Variants in DPF3 observed in about 807,000 individuals in gnomAD.
The protein encoded by DPF3 is double PHD fingers 3, also known as zinc finger protein DPF3.
A neutral mutation model predicts 56.8 loss-of-function variants in DPF3; 18 were observed. The observed-to-expected ratio is 0.32, with a 90% CI of 0.22 to 0.47. The LOEUF is 0.47. Ranked by LOEUF, DPF3 falls within the 20% of genes least tolerant of loss-of-function variation. DPF3 has a pLI of 1.00. For synonymous variants in DPF3, 188 were observed against 180.2 expected, an observed-to-expected ratio of 1.04 and a Z score of -0.35; for missense variants, 403 against 488.8, an observed-to-expected ratio of 0.82 and a Z score of 1.65.
At chr14:72,834,153 G>A (rs1798634859) in intron 1 of DPF3, among the ~76,000 whole-genome samples, 2 of 151,078 alleles carry the variant, frequency 1.3e-5, no homozygotes, top group South Asian at 2.1e-4. Context: ...ACTCCAGCCC[G>A]AGTGACAGAG....
chr14:72,615,566 T>C lies in DPF3; in HGVS notation c.*3731A>G, dbSNP rs962819290. Among the ~76,000 whole-genome samples the C allele has an allele frequency of 1.3e-5, 2 of 152,180 alleles. No homozygotes were observed. Among genetic ancestry groups the C allele is most frequent in the African/African-American group, 4.8e-5 (2 of 41,448 alleles). The stretch of plus-strand genomic sequence containing the variant: ...CCTCCCCCAACTTCAAAACCTGTTC[T>C]CTTCCCCAGTTCTGGAGGAATCTGG... On this transcript the variant is annotated 3_prime_UTR_variant, in exon 11 of 11. Transcript: ENST00000556509.
At position 72,667,466 on chromosome 14, in the gene DPF3, G is replaced by T. The variant is rs562677190; in HGVS notation, c.871+6774C>A. Among the ~76,000 whole-genome samples the T allele has an allele frequency of 3.3e-5, 5 of 152,302 alleles. No individual in the cohort carries two copies. The South Asian group carries it at 1.0e-3, about 32-fold the overall frequency. On this transcript the variant is annotated intron_variant, in intron 8 of 10. Transcript: ENST00000556509. ...AAAACTCAGGGTGGTACTTTACTGA[G>T]CTGAGGGCAAAGGAAGCTGGCCAGA...
chr14:72,841,158 C>CTGG, intron 1 of DPF3, among the ~76,000 whole-genome samples: 1 of 152,230 alleles, frequency 6.6e-6, no homozygotes, highest in South Asian at 2.1e-4. Context: ...TTGTTTCTAG[C>CTGG]TTGTTTGGGG....
intron 4 of DPF3, among the ~76,000 whole-genome samples, chr14:72,728,294 G>C (rs1439830242): frequency 6.6e-6 from 1 of 152,140 alleles, no homozygotes; most frequent in Non-Finnish European, 1.5e-5. Flanking sequence ...CTGGAGGGGA[G>C]ATCAAGAAAG....
chr14:72,824,551 C>CTTTTTTTTTTTT (rs375498304), intron 1 of DPF3, among the ~76,000 whole-genome samples: 19 of 143,240 alleles, frequency 1.3e-4, no homozygotes, highest in Non-Finnish European at 1.8e-4. Flanking sequence ...TTTTCTTTTT[C>CTTTTTTTTTTTT]TTTTTTTTTT....
chr14:72,843,136 A>G (rs962268188), intron 1 of DPF3, among the ~76,000 whole-genome samples: 4 of 152,218 alleles, frequency 2.6e-5, no homozygotes, highest in Non-Finnish European at 5.9e-5. Flanking sequence ...TCCTCTGTCA[A>G]TGCCAAGACT....
At chr14:72,851,069 AG>A (rs1009069680) in intron 1 of DPF3, among the ~76,000 whole-genome samples, 6 of 152,300 alleles carry the variant, frequency 3.9e-5, no homozygotes, top group Admixed American at 6.5e-5. Context: ...AACTTAGAAG[AG>A]GGGAGCAATG....
intron 1 of DPF3, among the ~76,000 whole-genome samples, chr14:72,784,570 C>A (rs567110822): frequency 6.6e-6 from 1 of 152,288 alleles, no homozygotes; most frequent in South Asian, 2.1e-4. Flanking sequence ...AGACCTTTCC[C>A]CTCTACCATC....
At chr14:72,772,787 C>G (rs1450160576) in intron 1 of DPF3, among the ~76,000 whole-genome samples, 4 of 152,018 alleles carry the variant, frequency 2.6e-5, no homozygotes, top group South Asian at 2.1e-4. Flanking sequence ...AAATACCTAC[C>G]AAATAAAACA....
intron 4 of DPF3, among the ~76,000 whole-genome samples, chr14:72,726,607 C>CCAGG (rs955789012): frequency 1.3e-5 from 2 of 152,098 alleles, no homozygotes; most frequent in African/African-American, 4.8e-5. Flanking sequence ...TCAGGAGGAG[C>CCAGG]CAGGAGTTTC....
intron 1 of DPF3, among the ~76,000 whole-genome samples, chr14:72,782,172 C>T (rs557018994): frequency 2.0e-5 from 3 of 151,900 alleles, no homozygotes; most frequent in South Asian, 4.2e-4. Context: ...GTATTTAACA[C>T]GGCCACAAAG....
At chr14:72,765,669 C>T (rs1235140416) in intron 2 of DPF3, among the ~76,000 whole-genome samples, 4 of 152,194 alleles carry the variant, frequency 2.6e-5, no homozygotes, top group African/African-American at 7.2e-5. Context: ...GTACACAGGC[C>T]GGGTGCGGTG....
intron 8 of DPF3, among the ~76,000 whole-genome samples, chr14:72,651,575 A>G (rs1188020051): frequency 6.6e-6 from 1 of 152,214 alleles, no homozygotes; most frequent in East Asian, 1.9e-4. Flanking sequence ...ATTTTCACCA[A>G]AATGGCATCT....
At chr14:72,870,402 G>T (rs1599511928) in intron 1 of DPF3, among the ~76,000 whole-genome samples, 1 of 152,304 alleles carries the variant, frequency 6.6e-6, no homozygotes, top group East Asian at 1.9e-4. Context: ...ATGGAATTGT[G>T]GGCTGAGTCC....
At chr14:72,687,964 C>T (rs1259044299) in intron 7 of DPF3, among the ~76,000 whole-genome samples, 2 of 151,802 alleles carry the variant, frequency 1.3e-5, no homozygotes, top group East Asian at 1.9e-4. Context: ...GTACCCTGTG[C>T]CCTTGAGTCC....
intron 1 of DPF3, among the ~76,000 whole-genome samples, chr14:72,838,216 G>A (rs950977950): frequency 1.3e-5 from 2 of 152,178 alleles, no homozygotes; most frequent in Non-Finnish European, 2.9e-5. Flanking sequence ...GCACCAGGCC[G>A]GGCACGGTGG....
intron 8 of DPF3, among the ~76,000 whole-genome samples, chr14:72,638,296 C>T (rs1046520531): frequency 6.6e-6 from 1 of 152,202 alleles, no homozygotes; most frequent in Non-Finnish European, 1.5e-5. Flanking sequence ...GCCCAGAGCC[C>T]AACATCAATT....
chr14:72,806,224 C>G (rs8007690), intron 1 of DPF3, among the ~76,000 whole-genome samples: 101,117 of 152,118 alleles, frequency 0.66, 34,063 homozygotes, highest in East Asian at 0.79. Context: ...TCCTCAGATG[C>G]TACTTTTTCA....
intron 1 of DPF3, among the ~76,000 whole-genome samples, chr14:72,874,801 A>ATC (rs1886045315): frequency 3.9e-5 from 6 of 152,252 alleles, no homozygotes; most frequent in Admixed American, 2.0e-4. Context: ...AACTGTTCCA[A>ATC]TCTCTGCCTG....
Sources: gnomAD v4.1 joint callset for allele counts (sites outside exome capture counted in the v4.1 genomes callset) on GRCh38, gnomAD v4.1.1 for gene constraint, MANE v1.5 for transcripts, NCBI Gene and HGNC (gene_info 2026-07-23, HGNC 2026-07-21) for gene names.